Variants in DYM observed in about 807,000 individuals in gnomAD.
DYM encodes the protein dyggve-Melchior-Clausen syndrome protein.
In DYM, 78 loss-of-function variants were observed where a neutral mutation model predicts 93.1. The ratio of observed to expected loss-of-function variants is 0.84; its 90% CI spans 0.70 to 1.01. The LOEUF (loss-of-function observed/expected upper bound fraction) is 1.01, where lower values mean the gene tolerates loss of function less well. Ranked by LOEUF, DYM falls within the 50% of genes least tolerant of loss-of-function variation. DYM has a pLI of 0.00. For synonymous variants in DYM, 321 were observed against 319.7 expected, an observed-to-expected ratio of 1.00 and a Z score of -0.04; for missense variants, 789 against 845.0, an observed-to-expected ratio of 0.93 and a Z score of 0.82.
chr18:49,208,460 GTTTT>G (rs1245804771), intron 14 of DYM: 1 of 152,034 alleles, frequency 6.6e-6, no homozygotes, highest in Admixed American at 6.5e-5. Flanking sequence ...CTAACCCTCA[GTTTT>G]TTATTTCTCA....
chr18:49,248,452 G>A (rs996716091), intron 13 of DYM, among the ~76,000 whole-genome samples: 2 of 152,106 alleles, frequency 1.3e-5, no homozygotes, highest in African/African-American at 4.8e-5. Context: ...CCACTCAAAT[G>A]AAGTAGGTAT....
intron 3 of DYM, among the ~76,000 whole-genome samples, chr18:49,388,913 CAAAA>C (rs59658815): frequency 9.3e-5 from 12 of 129,040 alleles, no homozygotes; most frequent in East Asian, 4.3e-4. Flanking sequence ...CATTTTCAGA[CAAAA>C]AAAAAAAAAA....
At chr18:49,299,849 C>T (rs923262680) in intron 8 of DYM, among the ~76,000 whole-genome samples, 2 of 151,626 alleles carry the variant, frequency 1.3e-5, no homozygotes, top group African/African-American at 4.8e-5. Context: ...CAACACCATC[C>T]TGGCTAACAC....
intron 1 of DYM, among the ~76,000 whole-genome samples, chr18:49,448,385 A>G (rs1158100960): frequency 6.6e-6 from 1 of 152,230 alleles, no homozygotes; most frequent in African/African-American, 2.4e-5. Context: ...ACAGAGTTCA[A>G]TCTAGCACAT....
At chr18:49,150,734 C>G (rs2085724116) in intron 15 of DYM, among the ~76,000 whole-genome samples, 1 of 152,134 alleles carries the variant, frequency 6.6e-6, no homozygotes, top group Admixed American at 6.5e-5. Context: ...TATTAAAGGA[C>G]AAAGGATATG....
At chr18:49,104,817 T>A (rs905955891) in intron 16 of DYM, among the ~76,000 whole-genome samples, 1 of 152,198 alleles carries the variant, frequency 6.6e-6, no homozygotes, top group African/African-American at 2.4e-5. Flanking sequence ...TTTGCCAGTA[T>A]TTTATCAGGA....
rs1174383675 is a variant in DYM at position 49,191,454 on chromosome 18, T to TA, written c.1625+18096dup. On this transcript the variant is annotated intron_variant, in intron 14 of 17. Transcript: ENST00000675505. ...AGAAGAAAAAAAAATCAAACCTGTATAAAAAATCAAAACCGAACTTAGATA... is the reference window on the plus strand; with the variant it reads ...AGAAGAAAAAAAAATCAAACCTGTATAAAAAAATCAAAACCGAACTTAGATA... Among the ~76,000 whole-genome samples, 32 of 152,164 alleles carry TA rather than the reference T, an allele frequency of 2.1e-4. No homozygotes were observed. In the Middle Eastern group the frequency reaches 0.01, roughly 49 times the overall value.
chr18:49,294,006 AG>A (rs895927904), intron 8 of DYM, among the ~76,000 whole-genome samples: 3 of 152,168 alleles, frequency 2.0e-5, no homozygotes, highest in African/African-American at 7.2e-5. Context: ...GGTGTAAGGA[AG>A]GGGTCCAGTT....
intron 6 of DYM, among the ~76,000 whole-genome samples, chr18:49,360,896 C>G (rs1030050647): frequency 6.6e-6 from 1 of 152,208 alleles, no homozygotes; most frequent in Non-Finnish European, 1.5e-5. Flanking sequence ...GGACACTAGT[C>G]TTTGCATGCA....
At chr18:49,168,293 A>C (rs192803583) in intron 14 of DYM, among the ~76,000 whole-genome samples, 2 of 152,324 alleles carry the variant, frequency 1.3e-5, no homozygotes, top group African/African-American at 4.8e-5. Context: ...GGATACATAC[A>C]TGAGAGAGTG....
chr18:49,154,826 T>C (rs906827363), intron 15 of DYM, among the ~76,000 whole-genome samples: 4 of 152,254 alleles, frequency 2.6e-5, no homozygotes, highest in African/African-American at 4.8e-5. Flanking sequence ...GTAAAAAGTA[T>C]GTTATTCTTT....
At chr18:49,046,080 G>GCA (rs1192618073) in intron 17 of DYM, among the ~76,000 whole-genome samples, 2 of 145,766 alleles carry the variant, frequency 1.4e-5, no homozygotes, top group African/African-American at 2.6e-5. Context: ...GGAGCTGCAT[G>GCA]CGCGCACACA....
intron 8 of DYM, among the ~76,000 whole-genome samples, chr18:49,330,563 C>T (rs1256715910): frequency 2.6e-5 from 4 of 152,094 alleles, no homozygotes; most frequent in Admixed American, 2.0e-4. Context: ...TCCATGTTTA[C>T]TTTTTTAAAA....
At chr18:49,219,432 A>C (rs1280174496) in intron 13 of DYM, among the ~76,000 whole-genome samples, 2 of 152,198 alleles carry the variant, frequency 1.3e-5, no homozygotes, top group Non-Finnish European at 2.9e-5. Context: ...CTGATACCAA[A>C]GCCTGGCAGA....
At chr18:49,197,922 AG>A (rs2091629273) in intron 14 of DYM, among the ~76,000 whole-genome samples, 1 of 152,234 alleles carries the variant, frequency 6.6e-6, no homozygotes, top group African/African-American at 2.4e-5. Flanking sequence ...CGCATCGCCA[AG>A]TCAATCCTAA....
At chr18:49,387,898 AT>A (rs1343850623) in intron 3 of DYM, among the ~76,000 whole-genome samples, 1 of 152,212 alleles carries the variant, frequency 6.6e-6, no homozygotes, top group East Asian at 1.9e-4. Context: ...AAATAAGATA[AT>A]AAAATAGGGG....
At chr18:49,186,979 G>T (rs1023329587) in intron 14 of DYM, among the ~76,000 whole-genome samples, 1 of 147,162 alleles carries the variant, frequency 6.8e-6, no homozygotes. Flanking sequence ...GAGTGCAGTG[G>T]TGCGATCTCG....
intron 16 of DYM, among the ~76,000 whole-genome samples, chr18:49,110,793 C>G (rs2081316751): frequency 6.6e-6 from 1 of 151,938 alleles, no homozygotes; most frequent in South Asian, 2.1e-4. Context: ...TTCTTCTGAC[C>G]TGTTCTTTCT....
chr18:49,282,346 G>A (rs941008053), intron 9 of DYM, among the ~76,000 whole-genome samples, 171 bp from the exon 10 acceptor site: 2 of 152,200 alleles, frequency 1.3e-5, no homozygotes, highest in African/African-American at 4.8e-5. Flanking sequence ...CAGGCATGGC[G>A]GCTCACGCCT....
Sources: allele counts gnomAD v4.1 joint callset (sites outside exome capture counted in the v4.1 genomes callset), GRCh38; gene constraint gnomAD v4.1.1; transcripts MANE v1.5; gene names NCBI Gene and HGNC (gene_info 2026-07-23, HGNC 2026-07-21).